LMX1A: variants seen among roughly 807,000 people sequenced by gnomAD.
LMX1A encodes the protein LIM homeobox transcription factor 1-alpha.
LMX1A carries 15 observed loss-of-function variants against 49.1 expected under a neutral mutation model. The observed-to-expected ratio is 0.31, with a 90% CI of 0.20 to 0.47. LMX1A has a LOEUF of 0.47. LMX1A is among the 20% of genes least tolerant of loss of function. LMX1A has a pLI of 1.00. For missense variants in LMX1A, 372 were observed against 475.8 expected, an observed-to-expected ratio of 0.78 and a Z score of 2.03; for synonymous variants, 167 against 185.7, an observed-to-expected ratio of 0.90 and a Z score of 0.82.
chr1:165,282,319 C>T (rs903301115), intron 3 of LMX1A, among the ~76,000 whole-genome samples: 1 of 152,134 alleles, frequency 6.6e-6, no homozygotes, highest in East Asian at 1.9e-4. Flanking sequence ...AGAAGCCCCT[C>T]GGATACCAAA....
intron 3 of LMX1A, among the ~76,000 whole-genome samples, chr1:165,305,294 T>C (rs1308834425): frequency 2.0e-5 from 3 of 152,040 alleles, no homozygotes. Context: ...GGCAGGATCC[T>C]GGAGAAAGGG....
chr1:165,225,164 G>A (rs1001536170), intron 4 of LMX1A, among the ~76,000 whole-genome samples: 1 of 152,232 alleles, frequency 6.6e-6, no homozygotes, highest in African/African-American at 2.4e-5. Flanking sequence ...ACAGCTTGGG[G>A]GAAAGAGGGG....
At chr1:165,228,324 T>C (rs577704507) in intron 4 of LMX1A, among the ~76,000 whole-genome samples, 1 of 152,204 alleles carries the variant, frequency 6.6e-6, no homozygotes, top group Non-Finnish European at 1.5e-5. Context: ...TTACATCATT[T>C]CCTCACTCTG....
rs910442873 is a variant in LMX1A at position 165,202,039 on chromosome 1, G to A, written c.*1841C>T. 6.6e-6 allele frequency: 1 copy of A among 152,528 alleles called. No individual in the cohort carries two copies. The highest frequency in any genetic ancestry group is 2.4e-5 in the African/African-American group (1 of 41,416). 9.4% of individuals were successfully genotyped at this position (152,528 alleles called of 1,614,324 possible). On this transcript the variant is annotated 3_prime_UTR_variant, in exon 9 of 9. Transcript: ENST00000342310. Reference sequence around the variant, plus strand: ...ATTTTCACTCATCAGACTGGTTTGGGTTTCTTGGTGGTTTGCATAAATTAT... The same window carrying A: ...ATTTTCACTCATCAGACTGGTTTGGATTTCTTGGTGGTTTGCATAAATTAT...
At chr1:165,262,732 G>T in intron 3 of LMX1A, among the ~76,000 whole-genome samples, 1 of 149,838 alleles carries the variant, frequency 6.7e-6, no homozygotes, top group African/African-American at 2.5e-5. Context: ...TATTTTTCTT[G>T]TTTCTCCCAT....
At chr1:165,304,178 G>A (rs556368301) in intron 3 of LMX1A, among the ~76,000 whole-genome samples, 2 of 151,946 alleles carry the variant, frequency 1.3e-5, no homozygotes, top group African/African-American at 4.8e-5. Context: ...TCCAGGCCTC[G>A]GTTTCCTCAT....
intron 3 of LMX1A, among the ~76,000 whole-genome samples, chr1:165,332,893 A>G (rs976768316): frequency 6.6e-6 from 1 of 152,202 alleles, no homozygotes; most frequent in Non-Finnish European, 1.5e-5. Context: ...ACTGAAGCAG[A>G]CAGCATCTCC....
At chr1:165,238,601 G>A (rs923622260) in intron 4 of LMX1A, among the ~76,000 whole-genome samples, 39 of 152,202 alleles carry the variant, frequency 2.6e-4, no homozygotes, top group African/African-American at 8.9e-4. Flanking sequence ...GATTTTGAAC[G>A]CGTGTGTAAA....
In LMX1A at chr1:165,352,100, T is replaced by C. The variant is rs115724977; in HGVS notation, c.263+976A>G. On this transcript the variant is annotated intron_variant, in intron 3 of 8. Coordinates refer to ENST00000342310, the MANE Select transcript of LMX1A (RefSeq NM_177398.4). ...AAGCCCTGCAAAGCCAATACACTTA[T>C]TAATTAAACATTTCGCAAGGAAAAA... Among the ~76,000 whole-genome samples, 872 of 152,350 alleles carry C rather than the reference T, an allele frequency of 5.7e-3. 2 individuals carry two copies. Among genetic ancestry groups the C allele is most frequent in the Non-Finnish European group, 8.3e-3 (565 of 68,042 alleles).
At chr1:165,239,180 G>A (rs4233406) in intron 4 of LMX1A, among the ~76,000 whole-genome samples, 152,124 of 152,370 alleles carry the variant, frequency 1, 75,939 homozygotes, top group Middle Eastern at 1. Flanking sequence ...TAAATATGCT[G>A]TGAAGCAACT....
chr1:165,206,084 G>A (rs773400974), intron 7 of LMX1A, 50 bp from the exon 8 acceptor site: 3 of 1,466,310 alleles, frequency 2.0e-6, no homozygotes, highest in Admixed American at 4.7e-5. Context: ...AGCCTGGCAT[G>A]TGATTTCCCT....
At chr1:165,341,378 T>C (rs1656071307) in intron 3 of LMX1A, among the ~76,000 whole-genome samples, 1 of 152,198 alleles carries the variant, frequency 6.6e-6, no homozygotes, top group Non-Finnish European at 1.5e-5. Context: ...CCACTCATCC[T>C]GCAAGAGCCA....
chr1:165,272,302 G>C (rs1174969456), intron 3 of LMX1A, among the ~76,000 whole-genome samples: 1 of 152,210 alleles, frequency 6.6e-6, no homozygotes, highest in African/African-American at 2.4e-5. Context: ...ATATGTTAAA[G>C]TTAATTGCAA....
intron 3 of LMX1A, among the ~76,000 whole-genome samples, chr1:165,262,744 T>C (rs1653483274): frequency 6.6e-6 from 1 of 152,188 alleles, no homozygotes; most frequent in East Asian, 1.9e-4. Context: ...TTCTCCCATT[T>C]TGGAAAAAAA....
At chr1:165,303,974 C>A (rs1010240297) in intron 3 of LMX1A, among the ~76,000 whole-genome samples, 1 of 151,738 alleles carries the variant, frequency 6.6e-6, no homozygotes, top group Non-Finnish European at 1.5e-5. Context: ...TTTATTACAC[C>A]CTTCATCTAA....
intron 3 of LMX1A, among the ~76,000 whole-genome samples, chr1:165,306,928 C>T (rs1162046139): frequency 3.3e-5 from 5 of 152,206 alleles, no homozygotes; most frequent in African/African-American, 1.2e-4. Context: ...TAGAGTGAAG[C>T]GGTCAGCAGG....
At chr1:165,254,844 A>C (rs1370889552) in intron 3 of LMX1A, among the ~76,000 whole-genome samples, 2 of 152,184 alleles carry the variant, frequency 1.3e-5, no homozygotes, top group African/African-American at 4.8e-5. Flanking sequence ...CCAGCTCATC[A>C]AGGCATACAT....
At chr1:165,241,602 G>GATCTA (rs1652654227) in intron 4 of LMX1A, among the ~76,000 whole-genome samples, 1 of 151,276 alleles carries the variant, frequency 6.6e-6, no homozygotes, top group Non-Finnish European at 1.5e-5. Context: ...CTACAATACG[G>GATCTA]AGGATGAGAC....
At chr1:165,350,497 T>C (rs1656393495) in intron 3 of LMX1A, among the ~76,000 whole-genome samples, 2 of 151,954 alleles carry the variant, frequency 1.3e-5, no homozygotes, top group East Asian at 1.9e-4. Context: ...ATACAGAAGC[T>C]CCATAAAAGC....
Sources: allele counts gnomAD v4.1 joint callset (sites outside exome capture counted in the v4.1 genomes callset), GRCh38; gene constraint gnomAD v4.1.1; transcripts MANE v1.5; gene names NCBI Gene and HGNC (gene_info 2026-07-23, HGNC 2026-07-21).